KCNA6: variants seen among roughly 807,000 people sequenced by gnomAD.
KCNA6 encodes human brain potassium channel-2.
A neutral mutation model predicts 29.5 loss-of-function variants in KCNA6; 17 were observed. The observed-to-expected ratio is 0.58, with a 90% CI of 0.39 to 0.86. KCNA6 has a LOEUF of 0.86. Among genes scored for constraint, KCNA6 ranks in the 40% least tolerant of loss-of-function variants. KCNA6 has a pLI of 0.00. For missense variants in KCNA6, 450 were observed against 703.4 expected (o/e 0.64, Z 4.07); for synonymous variants, 296 against 304.7 (o/e 0.97, Z 0.30).
the KCNA6 span, among the ~76,000 whole-genome samples, chr12:4,832,090 T>A: frequency 2.9e-3 from 444 of 152,236 alleles, 3 homozygotes; most frequent in Non-Finnish European, 5.3e-3. Context: ...GTTGTGGAAT[T>A]ATTTAGTGCC....
the KCNA6 span, among the ~76,000 whole-genome samples, chr12:4,843,370 C>T: frequency 1.3e-5 from 2 of 151,934 alleles, no homozygotes; most frequent in African/African-American, 2.4e-5. Flanking sequence ...TTAGTAGAGA[C>T]AGGGTTTCAC....
chr12:4,841,231 A>C, the KCNA6 span, among the ~76,000 whole-genome samples: 317 of 152,322 alleles, frequency 2.1e-3, 1 homozygote, highest in African/African-American at 7.3e-3. Context: ...GAGCATTCTC[A>C]TGGTGGCCCC....
In KCNA6 at chr12:4,810,296, C is replaced by A; in HGVS notation, c.255C>A (p.Phe85Leu). Residue 85 changes from phenylalanine (F) to leucine (L), a missense_variant, in exon 1 of 1, where the codon TTC becomes TTA. Physicochemically the swap from Phe to Leu is conservative, Grantham distance 22. This residue lies in a region of KCNA6 where 133 missense variants were observed against 217.5 expected (regional missense o/e 0.61). Transcript: ENST00000280684. This position sits in a 1 kb window ranked among gnomAD's most constrained non-coding sequence, Gnocchi z 7.5. Reference sequence around the variant, plus strand: ...TCGACCCCCTGAGGAACGAGTACTTCTTCGACCGCAACCGGCCCAGCTTCG... The same window carrying A: ...TCGACCCCCTGAGGAACGAGTACTTATTCGACCGCAACCGGCCCAGCTTCG... 1.9e-6 allele frequency: 3 copies of A among 1,614,102 alleles called. No individual in the cohort carries two copies. Among genetic ancestry groups the A allele is most frequent in the Non-Finnish European group, 2.5e-6 (3 of 1,180,032 alleles).
chr12:4,836,246 G>A, the KCNA6 span, among the ~76,000 whole-genome samples: 2 of 152,064 alleles, frequency 1.3e-5, no homozygotes, highest in African/African-American at 4.8e-5. Context: ...ACCACGCCTG[G>A]CCAAAAGTCA....
the KCNA6 span, among the ~76,000 whole-genome samples, chr12:4,830,634 TTTG>T: frequency 6.6e-6 from 1 of 152,190 alleles, no homozygotes; most frequent in African/African-American, 2.4e-5. Flanking sequence ...ACCGAGGACT[TTTG>T]TTTCTCTTTA....
chr12:4,821,922 T>C, the KCNA6 span, among the ~76,000 whole-genome samples: 2 of 152,240 alleles, frequency 1.3e-5, no homozygotes, highest in Non-Finnish European at 2.9e-5. Context: ...CCGCAACCTC[T>C]GCCTCCCAGG....
the KCNA6 span, among the ~76,000 whole-genome samples, chr12:4,821,847 T>G: frequency 1.3e-5 from 2 of 151,834 alleles, no homozygotes; most frequent in Non-Finnish European, 2.9e-5. Context: ...TCATTTTTCT[T>G]TTTTTTTAGA....
At chr12:4,837,071 G>C in the KCNA6 span, among the ~76,000 whole-genome samples, 2 of 152,112 alleles carry the variant, frequency 1.3e-5, no homozygotes, top group Non-Finnish European at 2.9e-5. Context: ...TTTCAATCCT[G>C]CCCCCCACAA....
chr12:4,848,557 G>A, the KCNA6 span, among the ~76,000 whole-genome samples: 18 of 151,290 alleles, frequency 1.2e-4, no homozygotes, highest in African/African-American at 4.4e-4. Flanking sequence ...TTTTTGAGAT[G>A]GAGTTTTGCT....
chr12:4,833,351 G>T, the KCNA6 span, among the ~76,000 whole-genome samples: 3 of 152,130 alleles, frequency 2.0e-5, no homozygotes, highest in Non-Finnish European at 4.4e-5. Context: ...GCTGCTGGGG[G>T]TTGTGTGGCT....
chr12:4,850,476 G>A, the KCNA6 span, among the ~76,000 whole-genome samples: 1 of 152,124 alleles, frequency 6.6e-6, no homozygotes, highest in Non-Finnish European at 1.5e-5. The surrounding 1 kb of genome is among the most constrained non-coding windows in gnomAD (Gnocchi z 5.4). Flanking sequence ...CAGTATTAAG[G>A]ACAACACGGG....
At position 4,810,669 on chromosome 12, in the gene KCNA6, G is replaced by A. The variant is rs1946619474; in HGVS notation, c.628G>A (p.Gly210Ser). 1.2e-6 allele frequency: 2 copies of A among 1,608,978 alleles called. No homozygotes were observed. Among genetic ancestry groups the A allele is most frequent in the African/African-American group, 1.4e-5 (1 of 73,360 alleles). ...AGATGGTCGAGGTGGAAACAATGGTGGTGTGAGTCGAGTCTCCCCAGTTTC... is the reference window on the plus strand; with the variant it reads ...AGATGGTCGAGGTGGAAACAATGGTAGTGTGAGTCGAGTCTCCCCAGTTTC... The change falls in exon 1 of 1, where the codon GGT (glycine) becomes AGT (serine). Residue 210 changes from glycine to serine, a missense_variant. Coordinates refer to ENST00000280684, the Ensembl canonical transcript of KCNA6. This position sits in a 1 kb window ranked among gnomAD's most constrained non-coding sequence, Gnocchi z 7.5.
At chr12:4,842,250 G>A in the KCNA6 span, among the ~76,000 whole-genome samples, 2 of 152,124 alleles carry the variant, frequency 1.3e-5, no homozygotes, top group Non-Finnish European at 2.9e-5. Context: ...ATAGTCAAAG[G>A]AGGTAGAAAC....
rs1041917760 is a variant in KCNA6 at position 4,811,873 on chromosome 12, C to G, written c.*242C>G. The G allele has an allele frequency of 2.1e-5, 11 of 533,904 alleles. No individual in the cohort carries two copies. Among genetic ancestry groups the G allele is most frequent in the African/African-American group, 1.9e-4 (10 of 52,620 alleles). The allele number at this position is 533,904 out of a possible 1,614,324, so 33.1% of individuals were successfully genotyped here. A position where few individuals can be genotyped will look rare whatever the true frequency, so the allele number is the denominator to read the frequency against. On this transcript the variant is annotated 3_prime_UTR_variant, in exon 1 of 1. Coordinates refer to ENST00000280684, the Ensembl canonical transcript of KCNA6. This position sits in a 1 kb window ranked among gnomAD's most constrained non-coding sequence, Gnocchi z 7.1. ...TCCAGCGGTGCCACCCAATCATGCCCAGCTTCTGTCATATGAATGAGATAT... is the reference window on the plus strand; with the variant it reads ...TCCAGCGGTGCCACCCAATCATGCCGAGCTTCTGTCATATGAATGAGATAT...
At chr12:4,838,071 C>T in the KCNA6 span, among the ~76,000 whole-genome samples, 1 of 152,180 alleles carries the variant, frequency 6.6e-6, no homozygotes, top group Non-Finnish European at 1.5e-5. Flanking sequence ...TGGTTATCAT[C>T]ATCTGACTGC....
downstream of KCNA6, chr12:4,813,946 T>A (rs1946657615): frequency 6.0e-6 from 1 of 167,074 alleles, no homozygotes; most frequent in South Asian, 2.1e-4. Flanking sequence ...GGGACTCTGG[T>A]TGCCGTAGCA....
At chr12:4,833,963 C>CT in the KCNA6 span, among the ~76,000 whole-genome samples, 1 of 148,044 alleles carries the variant, frequency 6.8e-6, no homozygotes, top group East Asian at 2.0e-4. Flanking sequence ...GGGTCTTCCT[C>CT]TGTCACCCAG....
the KCNA6 span, among the ~76,000 whole-genome samples, chr12:4,849,885 A>G: frequency 9.9e-4 from 151 of 152,358 alleles, no homozygotes; most frequent in South Asian, 3.3e-3. Flanking sequence ...AGAAATGACA[A>G]TGATTGCTGG....
At chr12:4,828,041 AC>A in the KCNA6 span, among the ~76,000 whole-genome samples, 2 of 151,572 alleles carry the variant, frequency 1.3e-5, no homozygotes, top group African/African-American at 4.9e-5. Context: ...AAATCCCATA[AC>A]CCCCCCACCA....
Sources: gnomAD v4.1 joint callset for allele counts (sites outside exome capture counted in the v4.1 genomes callset) on GRCh38, gnomAD v4.1.1 for gene constraint, gnomAD v4.1.1 regional missense constraint, Gnocchi (gnomAD v3.1) non-coding constraint, MANE v1.5 for transcripts, NCBI Gene and HGNC (gene_info 2026-07-23, HGNC 2026-07-21) for gene names.